The following MREG variants were observed in gnomAD, a reference collection of about 807,000 sequenced individuals.
MREG encodes the protein melanoregulin.
Under a neutral mutation model 28.5 loss-of-function variants are expected in MREG, and 31 were observed. The ratio of observed to expected loss-of-function variants is 1.09; its 90% CI spans 0.82 to 1.47. MREG has a LOEUF of 1.47. MREG is among the 40% of genes most tolerant of loss of function. The pLI is 0.00. For synonymous variants in MREG, 106 were observed against 95.2 expected, an observed-to-expected ratio of 1.11 and a Z score of -0.66; for missense variants, 256 against 257.4, an observed-to-expected ratio of 0.99 and a Z score of 0.04.
chr2:215,982,381 G>A (rs540445573), intron 2 of MREG, among the ~76,000 whole-genome samples: 2 of 151,512 alleles, frequency 1.3e-5, no homozygotes, highest in Admixed American at 1.3e-4. Flanking sequence ...TTCTCTTAAT[G>A]CTAATCAAAA....
intron 2 of MREG, among the ~76,000 whole-genome samples, chr2:215,958,165 G>C (rs1292027048): frequency 6.6e-6 from 1 of 151,446 alleles, no homozygotes; most frequent in Non-Finnish European, 1.5e-5. Flanking sequence ...TAAATGACAA[G>C]TTAATGGGTG....
At chr2:215,963,176 T>C (rs1267314989) in intron 2 of MREG, among the ~76,000 whole-genome samples, 2 of 152,072 alleles carry the variant, frequency 1.3e-5, no homozygotes, top group Non-Finnish European at 2.9e-5. Flanking sequence ...AGTTTTTATA[T>C]TGGCCAGGTG....
upstream of MREG, among the ~76,000 whole-genome samples, chr2:216,014,680 T>C (rs114977332): frequency 5.0e-3 from 765 of 152,056 alleles, 6 homozygotes; most frequent in African/African-American, 0.018. Context: ...AAGATATATA[T>C]ATCTATTGGA....
chr2:215,964,893 ATC>A (rs3078467), intron 2 of MREG, among the ~76,000 whole-genome samples: 131,134 of 151,872 alleles, frequency 0.86, 56,789 homozygotes, highest in Non-Finnish European at 0.9. Context: ...ACAGACAGAT[ATC>A]TCTTTTTAAA....
At chr2:215,964,864 T>TAGAC (rs1240948038) in intron 2 of MREG, among the ~76,000 whole-genome samples, 2 of 118,076 alleles carry the variant, frequency 1.7e-5, no homozygotes, top group African/African-American at 6.6e-5. Context: ...GATAGATAGA[T>TAGAC]AGATAGATAG....
At position 215,947,117 on chromosome 2, in the gene MREG, C is replaced by A. The variant is rs1692344989; in HGVS notation, c.256-4G>T. On this transcript the variant is annotated splice_region_variant and splice_polypyrimidine_tract_variant and intron_variant, in intron 2 of 4. Transcript: ENST00000263268. ...CATAGTTGAGCTTCTGCCACTCCTG[C>A]AGGAAAATAAAAGTTTAGTTTTATT... is the stretch of plus-strand genomic sequence containing the variant. 1 of 1,605,788 alleles carries A rather than the reference C, an allele frequency of 6.2e-7. No individual in the cohort carries two copies. Among genetic ancestry groups the A allele is most frequent in the African/African-American group, 1.3e-5 (1 of 74,828 alleles).
chr2:215,956,539 T>G (rs187427216), intron 2 of MREG, among the ~76,000 whole-genome samples: 158 of 152,254 alleles, frequency 1.0e-3, no homozygotes, highest in African/African-American at 3.6e-3. Context: ...TCTTTTGGTG[T>G]TGTTTGTTGT....
chr2:215,969,250 A>AG (rs1309647051), intron 2 of MREG, among the ~76,000 whole-genome samples: 1 of 152,186 alleles, frequency 6.6e-6, no homozygotes, highest in Non-Finnish European at 1.5e-5. Flanking sequence ...TAATTGTATT[A>AG]GTTTCCTGGT....
chr2:216,033,482 G>A (rs1329642312), upstream of MREG, among the ~76,000 whole-genome samples: 1 of 152,078 alleles, frequency 6.6e-6, no homozygotes, highest in Non-Finnish European at 1.5e-5. Flanking sequence ...TCCAACAAGA[G>A]CCCTGAAGGA....
chr2:215,951,199 G>A (rs1464573249), intron 2 of MREG, among the ~76,000 whole-genome samples: 1 of 152,146 alleles, frequency 6.6e-6, no homozygotes, highest in Non-Finnish European at 1.5e-5. Context: ...TTATAGCAGT[G>A]TGAGAACAAG....
chr2:216,007,165 C>T (rs902644444), intron 1 of MREG, among the ~76,000 whole-genome samples: 3 of 152,168 alleles, frequency 2.0e-5, no homozygotes, highest in African/African-American at 4.8e-5. Flanking sequence ...TACAGCCAAT[C>T]TTCATTATTT....
At chr2:216,026,241 T>C (rs547491470) in intron 1 of MREG, among the ~76,000 whole-genome samples, 10 of 152,366 alleles carry the variant, frequency 6.6e-5, no homozygotes, top group Admixed American at 5.2e-4. Context: ...ATAAAGTTTC[T>C]TTCTGGGATG....
chr2:215,951,922 A>G (rs1026561085), intron 2 of MREG, among the ~76,000 whole-genome samples: 3 of 152,012 alleles, frequency 2.0e-5, no homozygotes, highest in Non-Finnish European at 4.4e-5. Flanking sequence ...GCATTTCCCC[A>G]TTTCCCCCAC....
intron 1 of MREG, among the ~76,000 whole-genome samples, chr2:216,010,524 A>T (rs1694273324): frequency 1.3e-5 from 2 of 150,920 alleles, no homozygotes; most frequent in Admixed American, 1.3e-4. Flanking sequence ...CACCCGGCTA[A>T]TTTTTTGTAT....
intron 1 of MREG, among the ~76,000 whole-genome samples, chr2:216,025,234 T>C (rs1694577759): frequency 6.6e-6 from 1 of 152,178 alleles, no homozygotes; most frequent in Non-Finnish European, 1.5e-5. Flanking sequence ...ACCCCACTGA[T>C]ACCCAGAAGA....
Position 215,942,688 on chromosome 2 carries a change from C to T in MREG, c.*2175G>A, listed in dbSNP as rs894044558. 3 of 152,526 alleles carry T rather than the reference C, an allele frequency of 2.0e-5. No homozygotes were observed. The highest frequency in any genetic ancestry group is 4.4e-5 in the Non-Finnish European group (3 of 68,016). The allele number at this position is 152,526 out of a possible 1,614,324, so 9.4% of individuals were successfully genotyped here. A position where few individuals can be genotyped will look rare whatever the true frequency, so the allele number is the denominator to read the frequency against. ...AGATAGTCCTATCCTTATTCATTAT[C>T]AAAAATACTGTGGTAACAATTTATA... is the stretch of plus-strand genomic sequence containing the variant. On this transcript the variant is annotated 3_prime_UTR_variant, in exon 5 of 5. Transcript: ENST00000263268.
At chr2:215,957,453 T>C (rs1303417289) in intron 2 of MREG, among the ~76,000 whole-genome samples, 1 of 150,430 alleles carries the variant, frequency 6.6e-6, no homozygotes, top group Non-Finnish European at 1.5e-5. Context: ...TCCTCTCCAC[T>C]TTGTCCCCAC....
chr2:215,959,745 CA>C (rs1410834160), intron 2 of MREG, among the ~76,000 whole-genome samples: 3 of 152,226 alleles, frequency 2.0e-5, no homozygotes, highest in Non-Finnish European at 1.5e-5. Context: ...TATCCTCCGG[CA>C]CACCTTGAAT....
rs1200172643 is a variant in MREG at position 215,989,270 on chromosome 2, C to A, written c.255+7036G>T. ...GGCAAACAGGGTCTGGAGTGTACCTCCAGCAAAATCCAGCAGACCTGCAGC... is the reference window on the plus strand; with the variant it reads ...GGCAAACAGGGTCTGGAGTGTACCTACAGCAAAATCCAGCAGACCTGCAGC... On this transcript the variant is annotated intron_variant, in intron 2 of 4. Transcript: ENST00000263268. Among the ~76,000 whole-genome samples the A allele has an allele frequency of 3.3e-5, 5 of 152,298 alleles. No individual in the cohort carries two copies. In the East Asian group the frequency reaches 7.7e-4, roughly 24 times the overall value.
Sources: allele counts gnomAD v4.1 joint callset (sites outside exome capture counted in the v4.1 genomes callset), GRCh38; gene constraint gnomAD v4.1.1; transcripts MANE v1.5; gene names NCBI Gene and HGNC (gene_info 2026-07-23, HGNC 2026-07-21).